Variants in TSHZ1 observed in about 807,000 individuals in gnomAD.
TSHZ1 encodes teashirt homolog 1.
In TSHZ1, 12 loss-of-function variants were observed where a neutral mutation model predicts 67.1. That is an observed-to-expected ratio of 0.18 (90% CI 0.11 to 0.29). TSHZ1 has a LOEUF of 0.29. Ranked by LOEUF, TSHZ1 falls within the 10% of genes least tolerant of loss-of-function variation. The pLI, the probability that TSHZ1 is intolerant of heterozygous loss-of-function variation, is 1.00. For missense variants in TSHZ1, 1,305 were observed against 1,413.9 expected (o/e 0.92, Z 1.23); for synonymous variants, 632 against 622.4 (o/e 1.02, Z -0.23).
chr18:75,244,978 T>C (rs977873515), intron 1 of TSHZ1, among the ~76,000 whole-genome samples: 1 of 151,830 alleles, frequency 6.6e-6, no homozygotes, highest in African/African-American at 2.4e-5. Context: ...CTCTCTCTCT[T>C]GTCTGTCTCT....
chr18:75,273,399 A>G (rs967705376), intron 1 of TSHZ1, among the ~76,000 whole-genome samples: 1 of 152,250 alleles, frequency 6.6e-6, no homozygotes, highest in African/African-American at 2.4e-5. Context: ...CACCACATTT[A>G]GCCATTAAAA....
At chr18:75,274,689 G>A (rs2023596308) in intron 1 of TSHZ1, among the ~76,000 whole-genome samples, 1 of 152,118 alleles carries the variant, frequency 6.6e-6, no homozygotes, top group South Asian at 2.1e-4. Context: ...AAGTTGTTAT[G>A]TCTCTCTATA....
chr18:75,236,444 C>A (rs2023072635), intron 1 of TSHZ1, among the ~76,000 whole-genome samples: 1 of 152,180 alleles, frequency 6.6e-6, no homozygotes, highest in Non-Finnish European at 1.5e-5. Context: ...GTCACATTGG[C>A]ACCTTTTAGA....
chr18:75,282,015 C>T (rs1025734018), intron 1 of TSHZ1, among the ~76,000 whole-genome samples: 3 of 152,112 alleles, frequency 2.0e-5, no homozygotes, highest in African/African-American at 7.2e-5. Flanking sequence ...CTTCGACGTC[C>T]GCACTCCCTG....
Position 75,274,909 on chromosome 18 carries a change from A to G in TSHZ1, c.41-10539A>G, listed in dbSNP as rs574373424. On this transcript the variant is annotated intron_variant, in intron 1 of 1. Transcript: ENST00000580243. ...TAGGATTTAAGTAAAGTCAGGTGTC[A>G]TGTTACCCTCTGTTTGGTTTCCAGT... is the stretch of plus-strand genomic sequence containing the variant. Among the ~76,000 whole-genome samples, 4 of 152,376 alleles carry G rather than the reference A, an allele frequency of 2.6e-5. No homozygotes were observed. In the East Asian group the frequency reaches 7.7e-4, roughly 29 times the overall value.
At chr18:75,228,693 C>G (rs2022957041) in intron 1 of TSHZ1, among the ~76,000 whole-genome samples, 1 of 152,168 alleles carries the variant, frequency 6.6e-6, no homozygotes, top group Admixed American at 6.5e-5. Context: ...GACATTTGCT[C>G]AGTAGGGAGT....
At chr18:75,213,280 T>C (rs2122507405) in intron 1 of TSHZ1, among the ~76,000 whole-genome samples, 1 of 152,346 alleles carries the variant, frequency 6.6e-6, no homozygotes, top group East Asian at 1.9e-4. Flanking sequence ...ATGCTGAGTA[T>C]TCACAACATA....
chr18:75,235,317 C>T (rs1045810837), intron 1 of TSHZ1, among the ~76,000 whole-genome samples: 10 of 152,152 alleles, frequency 6.6e-5, no homozygotes, highest in African/African-American at 2.2e-4. Context: ...GACTGCCGGT[C>T]GTACGTTGAT....
intron 1 of TSHZ1, among the ~76,000 whole-genome samples, chr18:75,238,389 A>G (rs1237073949): frequency 6.6e-6 from 1 of 152,192 alleles, no homozygotes; most frequent in African/African-American, 2.4e-5. Context: ...TGTGCGGGGT[A>G]CGTTGGAAGC....
chr18:75,233,855 A>G (rs910689223), intron 1 of TSHZ1, among the ~76,000 whole-genome samples: 9 of 152,098 alleles, frequency 5.9e-5, no homozygotes, highest in African/African-American at 2.2e-4. Context: ...CACACTGTGG[A>G]GGATGCGGTT....
chr18:75,228,614 A>G (rs1309013833), intron 1 of TSHZ1, among the ~76,000 whole-genome samples: 1 of 152,264 alleles, frequency 6.6e-6, no homozygotes, highest in Non-Finnish European at 1.5e-5. Context: ...AGCATATGCA[A>G]TACAAGCAGT....
chr18:75,255,196 A>G (rs1568361532), intron 1 of TSHZ1, among the ~76,000 whole-genome samples: 1 of 152,138 alleles, frequency 6.6e-6, no homozygotes, highest in African/African-American at 2.4e-5. Flanking sequence ...TTTCTCTAAT[A>G]TCGCATTTGG....
chr18:75,265,342 G>A (rs1037485074), intron 1 of TSHZ1, among the ~76,000 whole-genome samples: 10 of 152,082 alleles, frequency 6.6e-5, no homozygotes, highest in Non-Finnish European at 1.5e-4. Flanking sequence ...TTTGATTTGG[G>A]CTGCGTCCTG....
At chr18:75,278,952 G>A (rs1278323259) in intron 1 of TSHZ1, among the ~76,000 whole-genome samples, 1 of 152,164 alleles carries the variant, frequency 6.6e-6, no homozygotes, top group Non-Finnish European at 1.5e-5. Flanking sequence ...CTCCGTCTGT[G>A]GGGTCGTTGA....
At chr18:75,284,338 C>T (rs924714888) in intron 1 of TSHZ1, 4 of 152,712 alleles carry the variant, frequency 2.6e-5, no homozygotes, top group South Asian at 2.1e-4. Flanking sequence ...GCTGTGCAGT[C>T]GTGGGCCTGT....
rs1054659792 is a variant in TSHZ1 at position 75,267,619 on chromosome 18, A to G, written c.41-17829A>G. ...TCTTTCCTAAATGGAGTGAATAAGC[A>G]GGTACTGTTAAATGATAGCCGTTTC... On this transcript the variant is annotated intron_variant, in intron 1 of 1. Transcript: ENST00000580243. Among the ~76,000 whole-genome samples, 2 of 152,346 alleles carry G rather than the reference A, an allele frequency of 1.3e-5. 1 individual carries two copies. The highest frequency in any genetic ancestry group is 4.1e-4 in the South Asian group (2 of 4,828).
chr18:75,288,958 A>G lies in TSHZ1; in HGVS notation c.*317A>G. On this transcript the variant is annotated 3_prime_UTR_variant, in exon 2 of 2. Transcript: ENST00000580243. This position sits in a 1 kb window ranked among gnomAD's most constrained non-coding sequence, Gnocchi z 4.9. ...GTAAAGAAAGACACAAATAACAATG[A>G]TAAAAAGACATCCTAAAATGGTGAA... 4.5e-6 allele frequency: 1 copy of G among 221,662 alleles called. No homozygotes were observed. The highest frequency in any genetic ancestry group is 9.5e-6 in the Non-Finnish European group (1 of 105,088). 13.7% of individuals were successfully genotyped at this position (221,662 alleles called of 1,614,324 possible). A position where few individuals can be genotyped will look rare whatever the true frequency, so the allele number is the denominator to read the frequency against.
At chr18:75,252,293 T>G (rs2023314738) in intron 1 of TSHZ1, among the ~76,000 whole-genome samples, 3 of 152,234 alleles carry the variant, frequency 2.0e-5, no homozygotes, top group Admixed American at 1.3e-4. Context: ...CTTGATAAAT[T>G]CCCACAAGTA....
intron 1 of TSHZ1, among the ~76,000 whole-genome samples, chr18:75,282,204 G>A (rs1016677447): frequency 6.6e-6 from 1 of 152,178 alleles, no homozygotes; most frequent in Non-Finnish European, 1.5e-5. Context: ...GGACTGTCTT[G>A]GAGCGTGGTC....
Sources: gnomAD v4.1 joint callset for allele counts (sites outside exome capture counted in the v4.1 genomes callset) on GRCh38, gnomAD v4.1.1 for gene constraint, Gnocchi (gnomAD v3.1) non-coding constraint, MANE v1.5 for transcripts, NCBI Gene and HGNC (gene_info 2026-07-23, HGNC 2026-07-21) for gene names.